LINGO2: variants seen among roughly 807,000 people sequenced by gnomAD.
LINGO2 encodes the protein leucine-rich repeat and immunoglobulin-like domain-containing nogo receptor-interacting protein 2.
LINGO2 carries 14 observed loss-of-function variants against 30.6 expected under a neutral mutation model. The ratio of observed to expected loss-of-function variants is 0.46; its 90% CI spans 0.30 to 0.72. The LOEUF is 0.72. LINGO2 is among the 30% of genes least tolerant of loss of function. The pLI, the probability that LINGO2 is intolerant of heterozygous loss-of-function variation, is 0.07. For missense variants in LINGO2, 729 were observed against 751.7 expected (o/e 0.97, Z 0.35); for synonymous variants, 317 against 288.5 (o/e 1.10, Z -1.00).
chr9:28,303,140 T>A (rs1027989094), intron 3 of LINGO2, among the ~76,000 whole-genome samples: 1 of 152,180 alleles, frequency 6.6e-6, no homozygotes, highest in African/African-American at 2.4e-5. Context: ...TATCCCAATA[T>A]CAGGTATATA....
intron 4 of LINGO2, among the ~76,000 whole-genome samples, chr9:28,043,734 C>A (rs971929216): frequency 2.0e-5 from 3 of 152,162 alleles, no homozygotes; most frequent in African/African-American, 4.8e-5. Context: ...CCCACCCAAT[C>A]CTCCACCTCA....
the LINGO2 span, among the ~76,000 whole-genome samples, chr9:28,866,138 A>G: frequency 2.0e-5 from 3 of 152,166 alleles, no homozygotes; most frequent in African/African-American, 4.8e-5. Flanking sequence ...TCTATTTTAT[A>G]TAAGTAGATA....
intron 2 of LINGO2, among the ~76,000 whole-genome samples, chr9:28,444,561 C>A (rs1383674454): frequency 3.3e-5 from 5 of 152,220 alleles, no homozygotes; most frequent in Admixed American, 3.3e-4. Context: ...CTTGGGGCTC[C>A]CCAAGCCAGG....
rs116644367 is a variant in LINGO2, at chr9:28,163,208, G to T, written c.-87+132000C>A. Among the ~76,000 whole-genome samples the T allele has an allele frequency of 4.5e-3, 687 of 152,100 alleles. 5 individuals carry two copies. Among genetic ancestry groups the T allele is most frequent in the African/African-American group, 0.016 (653 of 41,536 alleles). On this transcript the variant is annotated intron_variant, in intron 4 of 5. Coordinates refer to ENST00000379992, the Ensembl canonical transcript of LINGO2. ...GTATAAGTCAACTATATATATTCCA[G>T]AAAAAGGGGTTAGTTATTTCTAGAT...
At chr9:28,401,844 G>T (rs1822281604) in intron 2 of LINGO2, among the ~76,000 whole-genome samples, 1 of 152,038 alleles carries the variant, frequency 6.6e-6, no homozygotes, top group Admixed American at 6.6e-5. Flanking sequence ...GGCATGAGAT[G>T]GTATCTCACT....
intron 4 of LINGO2, among the ~76,000 whole-genome samples, chr9:28,131,261 A>G (rs1827371395): frequency 6.6e-6 from 1 of 152,018 alleles, no homozygotes; most frequent in Non-Finnish European, 1.5e-5. Context: ...TATTTTGCAA[A>G]CACCATTCAA....
chr9:28,409,193 T>G (rs1194272245), intron 2 of LINGO2, among the ~76,000 whole-genome samples: 1 of 152,140 alleles, frequency 6.6e-6, no homozygotes. Context: ...AAATTCATGT[T>G]GTATACCCCA....
At chr9:29,111,893 A>G in the LINGO2 span, among the ~76,000 whole-genome samples, 2 of 150,228 alleles carry the variant, frequency 1.3e-5, no homozygotes, top group Non-Finnish European at 3.0e-5. Context: ...ATATATTTAT[A>G]TATGTGTGTA....
intron 3 of LINGO2, among the ~76,000 whole-genome samples, chr9:28,321,995 A>G (rs1357653124): frequency 1.3e-5 from 2 of 152,350 alleles, no homozygotes; most frequent in Non-Finnish European, 2.9e-5. Context: ...AAATACAATA[A>G]AATCACATCA....
At chr9:28,324,635 A>T (rs994711618) in intron 3 of LINGO2, among the ~76,000 whole-genome samples, 6 of 152,150 alleles carry the variant, frequency 3.9e-5, no homozygotes, top group Non-Finnish European at 7.4e-5. Context: ...GCTGAAAGAT[A>T]CTTCCACCAG....
intron 3 of LINGO2, among the ~76,000 whole-genome samples, chr9:28,346,805 T>C (rs75368743): frequency 2.0e-5 from 3 of 150,274 alleles, no homozygotes; most frequent in African/African-American, 4.9e-5. Context: ...CTTTTTTTTT[T>C]CATATGCTTG....
chr9:28,938,488 A>T, the LINGO2 span, among the ~76,000 whole-genome samples: 1 of 152,178 alleles, frequency 6.6e-6, no homozygotes, highest in Non-Finnish European at 1.5e-5. Flanking sequence ...ATTTCTATCA[A>T]TGATGGGCCA....
Position 28,013,650 on chromosome 9 carries a change from C to A in LINGO2, c.-86-1245G>T, listed in dbSNP as rs540041679. 7.9e-5 allele frequency among the ~76,000 whole-genome samples: 12 copies of A among 152,266 alleles called. No homozygotes were observed. The East Asian group carries it at 9.6e-4, about 12-fold the overall frequency. ...TTTAGTTTCTTATTGTCTACAATGG[C>A]TCTTCATTTTGAAGCTGGAGCTTTG... On this transcript the variant is annotated intron_variant, in intron 4 of 5. Coordinates refer to ENST00000379992, the Ensembl canonical transcript of LINGO2.
At chr9:28,781,139 T>C in the LINGO2 span, among the ~76,000 whole-genome samples, 2 of 152,106 alleles carry the variant, frequency 1.3e-5, no homozygotes, top group Non-Finnish European at 2.9e-5. Flanking sequence ...GGTTTGGCCT[T>C]ACATTATGTA....
the LINGO2 span, among the ~76,000 whole-genome samples, chr9:29,162,045 G>A: frequency 2.6e-4 from 40 of 151,604 alleles, no homozygotes; most frequent in African/African-American, 7.7e-4. Context: ...TCAGCCTCCC[G>A]AGTAGCTGAG....
intron 1 of LINGO2, among the ~76,000 whole-genome samples, chr9:28,542,637 G>C (rs1032857504): frequency 5.3e-5 from 8 of 151,956 alleles, no homozygotes; most frequent in African/African-American, 1.9e-4. Flanking sequence ...AATTTATATA[G>C]CTGATCCTTT....
chr9:27,985,391 A>AT (rs1821077797), intron 5 of LINGO2, among the ~76,000 whole-genome samples: 1 of 151,866 alleles, frequency 6.6e-6, no homozygotes, highest in African/African-American at 2.4e-5. Flanking sequence ...GATATCCCCG[A>AT]TTTTCTCCTC....
At chr9:28,189,603 GGAA>G (rs1564029241) in intron 4 of LINGO2, among the ~76,000 whole-genome samples, 8 of 19,166 alleles carry the variant, frequency 4.2e-4, no homozygotes, top group East Asian at 1.7e-3. Context: ...AAGGAAGGGA[GGAA>G]GGAAGGGAGG....
At chr9:28,490,313 A>G (rs1456554265) in intron 1 of LINGO2, among the ~76,000 whole-genome samples, 2 of 152,224 alleles carry the variant, frequency 1.3e-5, no homozygotes, top group Non-Finnish European at 2.9e-5. Context: ...AATGTAGTCT[A>G]TAGACTGCTC....
Sources: gnomAD v4.1 joint callset for allele counts (sites outside exome capture counted in the v4.1 genomes callset) on GRCh38, gnomAD v4.1.1 for gene constraint, MANE v1.5 for transcripts, NCBI Gene and HGNC (gene_info 2026-07-23, HGNC 2026-07-21) for gene names.